EIF4G3: variants seen among roughly 807,000 people sequenced by gnomAD.
The protein encoded by EIF4G3 is eukaryotic translation initiation factor 4 gamma 3.
In EIF4G3, 34 loss-of-function variants were observed where a neutral mutation model predicts 186.4. The observed-to-expected ratio is 0.18, with a 90% CI of 0.14 to 0.24. The LOEUF (loss-of-function observed/expected upper bound fraction) is 0.24. Ranked by LOEUF, EIF4G3 falls within the 10% of genes least tolerant of loss-of-function variation. The probability of loss-of-function intolerance (pLI) is 1.00; values close to 1 mark genes in which losing one functional copy is unlikely to be tolerated. For synonymous variants in EIF4G3, 673 were observed against 679.5 expected, an observed-to-expected ratio of 0.99 and a Z score of 0.15; for missense variants, 1,536 against 1,948.5, an observed-to-expected ratio of 0.79 and a Z score of 3.99.
Position 20,893,514 on chromosome 1 carries a change from T to C in EIF4G3, c.2253+3A>G. The C allele has an allele frequency of 6.3e-7, 1 of 1,591,868 alleles. No individual in the cohort carries two copies. The highest frequency in any genetic ancestry group is 8.6e-7 in the Non-Finnish European group (1 of 1,163,664). ...AAGTGAGTTGTAGGGAACTTGCACT[T>C]ACAGGTACGCCTCTTCCACCAGGTG... On this transcript the variant is annotated splice_donor_region_variant and intron_variant, in intron 18 of 36. Transcript: ENST00000602326.
intron 2 of EIF4G3, among the ~76,000 whole-genome samples, chr1:21,119,916 A>C (rs1312080035): frequency 6.6e-6 from 1 of 152,062 alleles, no homozygotes; most frequent in East Asian, 1.9e-4. Flanking sequence ...TATTTCTAAA[A>C]TTAATCATTG....
chr1:21,072,397 T>TTTTATTTA (rs142374059), intron 3 of EIF4G3, among the ~76,000 whole-genome samples: 1 of 151,858 alleles, frequency 6.6e-6, no homozygotes, highest in Non-Finnish European at 1.5e-5. Context: ...AATTTTTTTA[T>TTTTATTTA]TTTATTTATT....
At chr1:20,881,804 GAAAAT>G (rs529082279) in intron 19 of EIF4G3, among the ~76,000 whole-genome samples, 15 of 150,158 alleles carry the variant, frequency 1.0e-4, no homozygotes, top group African/African-American at 2.7e-4. Context: ...TAATAATAAT[GAAAAT>G]AAAATAAAAT....
At chr1:21,060,533 A>G (rs1557763964) in intron 3 of EIF4G3, among the ~76,000 whole-genome samples, 1 of 152,198 alleles carries the variant, frequency 6.6e-6, no homozygotes. Context: ...GGAGTGTGAA[A>G]AGATCGAATG....
chr1:20,811,036 G>A (rs1292147745), intron 35 of EIF4G3, 152 bp from the exon 36 acceptor site: 16 of 685,320 alleles, frequency 2.3e-5, no homozygotes, highest in South Asian at 1.2e-4. Flanking sequence ...TGCAACCTCC[G>A]TCTCCCAGGT....
chr1:21,053,437 C>CA (rs1157155942), intron 3 of EIF4G3, among the ~76,000 whole-genome samples: 2 of 150,596 alleles, frequency 1.3e-5, no homozygotes, highest in Admixed American at 6.6e-5. Context: ...GCCCACCCCC[C>CA]GGCCAGCCGC....
intron 5 of EIF4G3, among the ~76,000 whole-genome samples, chr1:21,002,285 T>A (rs1214734360): frequency 1.3e-5 from 2 of 152,240 alleles, no homozygotes; most frequent in Non-Finnish European, 2.9e-5. Flanking sequence ...CTAATAACAC[T>A]GATTCAAAAG....
intron 6 of EIF4G3, among the ~76,000 whole-genome samples, chr1:20,998,212 TACACACAC>T (rs5772928): frequency 2.3e-4 from 34 of 148,582 alleles, no homozygotes; most frequent in East Asian, 9.8e-4. Flanking sequence ...TTTATGACTT[TACACACAC>T]ACACACACAC....
chr1:21,073,792 C>T (rs368941591), intron 3 of EIF4G3: 27 of 360,062 alleles, frequency 7.5e-5, no homozygotes, highest in African/African-American at 3.5e-4. Context: ...CTGTAGACAA[C>T]GTCCCTGGAA....
At position 20,949,980 on chromosome 1, in the gene EIF4G3, G is replaced by C. The variant is rs746671903; in HGVS notation, c.823+23C>G. On this transcript the variant is annotated intron_variant, in intron 13 of 36. Transcript: ENST00000602326. ...TAAAAAAGAGACTAAAGATAAGAGG[G>C]AGGAAAACAGTCATACACAAACCTT... 7.6e-6 allele frequency: 12 copies of C among 1,581,684 alleles called. No individual in the cohort carries two copies. The Admixed American group carries it at 2.0e-4, about 26-fold the overall frequency.
intron 32 of EIF4G3, among the ~76,000 whole-genome samples, chr1:20,826,784 G>A (rs1371524748): frequency 6.6e-6 from 1 of 152,004 alleles, no homozygotes; most frequent in Admixed American, 6.6e-5. Context: ...CACTGCGCCC[G>A]GCCAGAATGT....
intron 16 of EIF4G3, among the ~76,000 whole-genome samples, chr1:20,899,465 T>C (rs2089581335): frequency 6.6e-6 from 1 of 152,222 alleles, no homozygotes; most frequent in Non-Finnish European, 1.5e-5. Context: ...CTCTGCCAGA[T>C]GCTCTTCCAA....
At chr1:20,838,778 G>A (rs1264127407) in intron 30 of EIF4G3, among the ~76,000 whole-genome samples, 2 of 152,052 alleles carry the variant, frequency 1.3e-5, no homozygotes, top group African/African-American at 4.8e-5. Context: ...CCTCCCAGGT[G>A]CAATCCTTCT....
At chr1:21,096,844 AC>A (rs1023967615) in intron 2 of EIF4G3, among the ~76,000 whole-genome samples, 8 of 152,254 alleles carry the variant, frequency 5.3e-5, no homozygotes, top group Non-Finnish European at 1.2e-4. Flanking sequence ...GCCTTGATTG[AC>A]CTGAAATGCT....
In EIF4G3 at chr1:21,009,017, A is replaced by G. The variant is rs548785118; in HGVS notation, c.-66-6209T>C. ...TGCAAATCTATCTCTATCATCTTAG[A>G]GCTGGTAAAGACTTAAAATCTTAAA... is the stretch of plus-strand genomic sequence containing the variant. On this transcript the variant is annotated intron_variant, in intron 4 of 36. Coordinates refer to ENST00000602326, the MANE Select transcript of EIF4G3 (RefSeq NM_001391906.1). Among the ~76,000 whole-genome samples the G allele has an allele frequency of 9.2e-5, 14 of 152,318 alleles. No homozygotes were observed. In the Middle Eastern group the frequency reaches 0.01, roughly 111 times the overall value.
intron 7 of EIF4G3, among the ~76,000 whole-genome samples, chr1:20,986,007 A>C (rs2079387326): frequency 6.6e-6 from 1 of 152,110 alleles, no homozygotes; most frequent in South Asian, 2.1e-4. Flanking sequence ...CAGACCACTA[A>C]GTTATGTGAA....
At chr1:20,923,834 T>TA (rs2094670567) in intron 14 of EIF4G3, among the ~76,000 whole-genome samples, 17 of 150,198 alleles carry the variant, frequency 1.1e-4, no homozygotes, top group Non-Finnish European at 2.4e-4. Flanking sequence ...TATATATATA[T>TA]TTATCTGTCT....
At chr1:21,176,549 G>A (rs1478398969) in intron 1 of EIF4G3, among the ~76,000 whole-genome samples, 173 bp downstream of exon 1, 184 of 139,746 alleles carry the variant, frequency 1.3e-3, no homozygotes, top group African/African-American at 4.2e-3. Flanking sequence ...GGGGGCCGGG[G>A]CCGGTCACAC....
At chr1:21,133,077 C>G (rs2097182449) in intron 2 of EIF4G3, among the ~76,000 whole-genome samples, 2 of 152,180 alleles carry the variant, frequency 1.3e-5, no homozygotes, top group Non-Finnish European at 2.9e-5. Flanking sequence ...AGCAATCATG[C>G]CCGGCCCCAA....
Sources: gnomAD v4.1 joint callset for allele counts (sites outside exome capture counted in the v4.1 genomes callset) on GRCh38, gnomAD v4.1.1 for gene constraint, MANE v1.5 for transcripts, NCBI Gene and HGNC (gene_info 2026-07-23, HGNC 2026-07-21) for gene names.